The following TOR1AIP2 variants were observed in gnomAD, a reference collection of about 807,000 sequenced individuals.
The protein encoded by TOR1AIP2 is torsin-1A-interacting protein 2.
TOR1AIP2 carries 20 observed loss-of-function variants against 32.6 expected under a neutral mutation model. The observed-to-expected ratio is 0.61, with a 90% confidence interval of 0.43 to 0.89. TOR1AIP2 has a LOEUF of 0.89. Ranked by LOEUF, TOR1AIP2 falls within the 40% of genes least tolerant of loss-of-function variation. The probability of loss-of-function intolerance (pLI) is 0.00; values close to 1 mark genes in which losing one functional copy is unlikely to be tolerated. For missense variants in TOR1AIP2, 456 were observed against 553.8 expected, an observed-to-expected ratio of 0.82 and a Z score of 1.77; for synonymous variants, 214 against 210.8, an observed-to-expected ratio of 1.02 and a Z score of -0.13.
intron 3 of TOR1AIP2, chr1:179,863,265 G>C (rs1696629238): frequency 1.2e-6 from 1 of 817,142 alleles, no homozygotes. Flanking sequence ...TTTCTTCAAT[G>C]GAGGCAATGT....
intron 3 of TOR1AIP2, chr1:179,861,907 C>T (rs1474243343): frequency 2.1e-6 from 2 of 947,462 alleles, no homozygotes; most frequent in African/African-American, 3.5e-5. Flanking sequence ...ACTATCTTGC[C>T]CAGGCTGGTC....
At chr1:179,868,167 C>T (rs1005978466) in intron 2 of TOR1AIP2, 1 of 152,270 alleles carries the variant, frequency 6.6e-6, no homozygotes, top group African/African-American at 2.4e-5. Context: ...CCACCTGAAA[C>T]ACAGGACTTC....
At chr1:179,852,599 C>T in intron 4 of TOR1AIP2, 33 bp downstream of exon 4, 1 of 1,612,662 alleles carries the variant, frequency 6.2e-7, no homozygotes, top group Non-Finnish European at 8.5e-7. Flanking sequence ...TTTCCTACAG[C>T]AGCAACCTCA....
At position 179,874,340 on chromosome 1, in the gene TOR1AIP2, G is replaced by A. The variant is rs1244682635; in HGVS notation, c.-566+2899C>T. On this transcript the variant is annotated intron_variant, in intron 2 of 6. Coordinates refer to ENST00000609928, the MANE Select transcript of TOR1AIP2 (RefSeq NM_001199260.2). ...GAGGTGGGAGGATCGCTTGAGCTCAGGAGTTCAAGTTTGCAGTAAGCCATG... is the reference window on the plus strand; with the variant it reads ...GAGGTGGGAGGATCGCTTGAGCTCAAGAGTTCAAGTTTGCAGTAAGCCATG... The A allele has an allele frequency of 2.6e-5, 4 of 152,242 alleles. No homozygotes were observed. In the East Asian group the frequency reaches 7.7e-4, roughly 29 times the overall value. 9.4% of individuals were successfully genotyped at this position (152,242 alleles called of 1,614,324 possible).
intron 3 of TOR1AIP2, among the ~76,000 whole-genome samples, chr1:179,858,279 C>G (rs2148438274): frequency 6.6e-6 from 1 of 152,128 alleles, no homozygotes; most frequent in South Asian, 2.1e-4. Context: ...ACAGCATGTA[C>G]ATGTACAGAG....
At chr1:179,847,749 C>T in intron 5 of TOR1AIP2, 113 bp from the exon 6 acceptor site, 1 of 752,770 alleles carries the variant, frequency 1.3e-6, no homozygotes, top group Non-Finnish European at 2.3e-6. Flanking sequence ...CTTTCTATAC[C>T]TTGGCCAGGT....
intron 3 of TOR1AIP2, chr1:179,863,760 T>G: frequency 7.1e-6 from 7 of 984,778 alleles, no homozygotes; most frequent in Non-Finnish European, 8.4e-6. Context: ...ATAATATTGC[T>G]AAAAGCACTA....
chr1:179,849,583 A>T (rs552505481), intron 5 of TOR1AIP2, among the ~76,000 whole-genome samples: 2 of 151,728 alleles, frequency 1.3e-5, no homozygotes, highest in South Asian at 4.2e-4. Flanking sequence ...CTAACAGTGA[A>T]TTTTTTTTTA....
chr1:179,848,306 G>A, intron 5 of TOR1AIP2, among the ~76,000 whole-genome samples: 1 of 152,102 alleles, frequency 6.6e-6, no homozygotes, highest in East Asian at 1.9e-4. Flanking sequence ...AACTTCACAG[G>A]GTAATTGTGC....
intron 3 of TOR1AIP2, chr1:179,865,135 C>T (rs752105416): frequency 6.2e-7 from 1 of 1,613,062 alleles, no homozygotes; most frequent in Non-Finnish European, 8.5e-7. Flanking sequence ...TAGGGAACCA[C>T]TGTTGTCCAC....
At chr1:179,865,015 A>T in intron 3 of TOR1AIP2, 1 of 1,614,054 alleles carries the variant, frequency 6.2e-7, no homozygotes, top group Non-Finnish European at 8.5e-7. Context: ...CAGGATTATC[A>T]GGATAACACT....
intron 2 of TOR1AIP2, among the ~76,000 whole-genome samples, chr1:179,872,969 T>G (rs1697067818): frequency 6.6e-6 from 1 of 152,246 alleles, no homozygotes; most frequent in African/African-American, 2.4e-5. Flanking sequence ...ATCTAGCATC[T>G]TACATAATTA....
chr1:179,849,018 C>T (rs916058048), intron 5 of TOR1AIP2, among the ~76,000 whole-genome samples: 1 of 151,984 alleles, frequency 6.6e-6, no homozygotes, highest in Non-Finnish European at 1.5e-5. Flanking sequence ...TGCCTGTAGT[C>T]CCAGCTACTC....
rs940799154 is a variant in TOR1AIP2, at chr1:179,844,050, C to T, written c.*2021G>A. 6.6e-6 allele frequency: 1 copy of T among 152,070 alleles called. No homozygotes were observed. Among genetic ancestry groups the T allele is most frequent in the Non-Finnish European group, 1.5e-5 (1 of 68,032 alleles). 9.4% of individuals were successfully genotyped at this position (152,070 alleles called of 1,614,324 possible). ...GCGACATACTGGTTCCTTGACAGAT[C>T]TGAGGTAGCACAGGTCAGCAGGCCA... On this transcript the variant is annotated 3_prime_UTR_variant, in exon 7 of 7. Transcript: ENST00000609928.
intron 3 of TOR1AIP2, chr1:179,860,430 C>T (rs1370387700): frequency 2.0e-6 from 2 of 976,630 alleles, no homozygotes; most frequent in African/African-American, 1.8e-5. Context: ...TGCAGTGAGC[C>T]ATGATGGCGC....
In TOR1AIP2 at chr1:179,846,744, G is replaced by T; in HGVS notation, c.740C>A (p.Pro247His). 6.2e-7 allele frequency: 1 copy of T among 1,613,846 alleles called. No homozygotes were observed. The highest frequency in any genetic ancestry group is 8.5e-7 in the Non-Finnish European group (1 of 1,180,020). The change falls in exon 7 of 7, where the codon CCC becomes CAC. Residue 247 changes from proline (P) to histidine (H), a missense_variant. Coordinates refer to ENST00000609928, the MANE Select transcript of TOR1AIP2 (RefSeq NM_001199260.2). ...SYYSSPAQQV[P>H]KNPALEAFLA... ...AAAGGCCTCCAAAGCTGGATTTTTG[G>T]GCACTTGCTGGGCTGGAGAGGAATA...
chr1:179,876,134 C>T (rs547636485), intron 2 of TOR1AIP2: 1 of 152,270 alleles, frequency 6.6e-6, no homozygotes, highest in African/African-American at 2.4e-5. Context: ...AGCAAACATT[C>T]CTTCAGGAAA....
intron 3 of TOR1AIP2, among the ~76,000 whole-genome samples, chr1:179,857,784 A>G (rs1448813399): frequency 1.3e-5 from 2 of 152,228 alleles, no homozygotes; most frequent in African/African-American, 4.8e-5. Context: ...CAATTCTGCT[A>G]TGAAAACAAG....
At chr1:179,864,308 T>C (rs968793121) in intron 3 of TOR1AIP2, 2 of 986,014 alleles carry the variant, frequency 2.0e-6, no homozygotes, top group Admixed American at 6.1e-5. Flanking sequence ...CACTGACCAA[T>C]GCATAAGAGG....
Sources: allele counts gnomAD v4.1 joint callset (sites outside exome capture counted in the v4.1 genomes callset), GRCh38; gene constraint gnomAD v4.1.1; transcripts MANE v1.5; gene names NCBI Gene and HGNC (gene_info 2026-07-23, HGNC 2026-07-21).